The following CAPN3 variants were observed in gnomAD, a reference collection of about 807,000 sequenced individuals.
CAPN3 encodes the protein calpain-3.
CAPN3 carries 88 observed loss-of-function variants against 114.0 expected under a neutral mutation model. The observed-to-expected ratio is 0.77, with a 90% CI of 0.65 to 0.92. The LOEUF (loss-of-function observed/expected upper bound fraction) is 0.92. Among genes scored for constraint, CAPN3 ranks in the 40% least tolerant of loss-of-function variants. The probability of loss-of-function intolerance (pLI) is 0.00; values close to 1 mark genes in which losing one functional copy is unlikely to be tolerated. For synonymous variants in CAPN3, 386 were observed against 382.9 expected, an observed-to-expected ratio of 1.01 and a Z score of -0.09; for missense variants, 1,028 against 1,069.0, an observed-to-expected ratio of 0.96 and a Z score of 0.53.
intron 19 of CAPN3, 76 bp from the exon 20 acceptor site, chr15:42,410,352 G>A (rs1387163399): frequency 8.4e-5 from 112 of 1,327,404 alleles, no homozygotes; most frequent in Middle Eastern, 2.2e-4. Context: ...AGGACAGCCC[G>A]GAGTCTCCTA....
intron 5 of CAPN3, 98 bp downstream of exon 5, chr15:42,389,194 C>T (rs961281832): frequency 1.7e-5 from 20 of 1,175,686 alleles, no homozygotes; most frequent in Admixed American, 4.0e-5. Flanking sequence ...TGGGACAGAG[C>T]GAATGTTTTG....
At position 42,411,313 on chromosome 15, in the gene CAPN3, G is replaced by A. The variant is rs1466541501; in HGVS notation, c.2407G>A (p.Gly803Arg). The change falls in exon 23 of 24, where the codon GGA (glycine) becomes AGA (arginine). Residue 803 changes from glycine (G) to arginine (R), a missense_variant. Transcript: ENST00000397163. Reference protein sequence around the residue: ...FRAFHAFDKDGDGIIKLNVLE... With the variant: ...FRAFHAFDKDRDGIIKLNVLE... ...AGCTTTTCATGCATTTGACAAGGAT[G>A]GAGATGGTATCATCAAGCTCAACGT... 1 of 1,614,032 alleles carries A rather than the reference G, an allele frequency of 6.2e-7. No individual in the cohort carries two copies. Among genetic ancestry groups the A allele is most frequent in the Non-Finnish European group, 8.5e-7 (1 of 1,180,006 alleles).
In CAPN3 at chr15:42,410,864, T is replaced by TA. The variant is rs773969467; in HGVS notation, c.2264-18dup. 1 of 1,594,100 alleles carries TA rather than the reference T, an allele frequency of 6.3e-7. No individual in the cohort carries two copies. The highest frequency in any genetic ancestry group is 1.1e-5 in the South Asian group (1 of 90,726). On this transcript the variant is annotated intron_variant, in intron 21 of 23. Transcript: ENST00000397163. ...AGGCCTCCAGCTCCACGTCCACCTC[T>TA]AACATGGTCCCCTCCACAGGATTCC...
intron 17 of CAPN3, among the ~76,000 whole-genome samples, 188 bp from the exon 18 acceptor site, chr15:42,409,599 G>T (rs1057131035): frequency 6.6e-5 from 10 of 152,152 alleles, no homozygotes; most frequent in African/African-American, 2.4e-4. Flanking sequence ...AGCTGCCCAC[G>T]GTGGTCCTGA....
chr15:42,378,084 G>C (rs1055149841), intron 1 of CAPN3, among the ~76,000 whole-genome samples: 9 of 152,314 alleles, frequency 5.9e-5, no homozygotes, highest in African/African-American at 2.2e-4. Flanking sequence ...TAGTGAAAGA[G>C]CAGCTAGGGG....
intron 1 of CAPN3, among the ~76,000 whole-genome samples, chr15:42,383,289 G>A (rs948603658): frequency 6.6e-6 from 1 of 152,110 alleles, no homozygotes; most frequent in Non-Finnish European, 1.5e-5. Flanking sequence ...AGAAGAATGG[G>A]GCTAAAACCA....
chr15:42,407,609 G>A (rs28364524), intron 15 of CAPN3, among the ~76,000 whole-genome samples: 10,464 of 152,118 alleles, frequency 0.069, 1,136 homozygotes, highest in African/African-American at 0.23. Context: ...GATTACAGGC[G>A]TGAGCCACCG....
chr15:42,360,859 C>G (rs1407604658), intron 1 of CAPN3, among the ~76,000 whole-genome samples: 1 of 152,234 alleles, frequency 6.6e-6, no homozygotes, highest in Admixed American at 6.5e-5. Context: ...GCTCACCTCT[C>G]TGATCATCCC....
At chr15:42,376,153 T>C (rs1366921063) in intron 1 of CAPN3, among the ~76,000 whole-genome samples, 1 of 152,202 alleles carries the variant, frequency 6.6e-6, no homozygotes, top group East Asian at 1.9e-4. Flanking sequence ...TGCCTTCTCA[T>C]TGTGGTGTTG....
Position 42,410,931 on chromosome 15 carries a change from G to T in CAPN3, c.2311G>T (p.Ala771Ser). 1 of 1,614,146 alleles carries T rather than the reference G, an allele frequency of 6.2e-7. No individual in the cohort carries two copies. The highest frequency in any genetic ancestry group is 8.5e-7 in the Non-Finnish European group (1 of 1,179,982). The stretch of plus-strand genomic sequence containing the variant: ...CTATGACATCATTACCATGCGGTAC[G>T]CAGACAAACACATGAACATCGACTT... ...QLYDIITMRY[A>S]DKHMNIDFDS... Residue 771 changes from alanine to serine, a missense_variant, in exon 22 of 24, where the codon GCA becomes TCA. By Grantham distance (99) the Ala-to-Ser change is moderately conservative. Transcript: ENST00000397163.
chr15:42,396,999 T>C (rs2053712849), intron 9 of CAPN3, 122 bp downstream of exon 9: 2 of 765,088 alleles, frequency 2.6e-6, no homozygotes, highest in Non-Finnish European at 4.6e-6. Flanking sequence ...GGCTGTGTTC[T>C]CCTCCAGCCC....
At chr15:42,374,986 A>AATTTATTT (rs71431847) in intron 1 of CAPN3, among the ~76,000 whole-genome samples, 1,486 of 134,014 alleles carry the variant, frequency 0.011, 20 homozygotes, top group Non-Finnish European at 0.015. Context: ...TTTAAATAAA[A>AATTTATTT]ATTTATTTAT....
intron 1 of CAPN3, among the ~76,000 whole-genome samples, chr15:42,375,368 A>G (rs1249135894): frequency 1.3e-5 from 2 of 151,986 alleles, no homozygotes. Context: ...GAGCAGCCAG[A>G]CTCCTTACGG....
chr15:42,377,129 T>A (rs2053110347), intron 1 of CAPN3, among the ~76,000 whole-genome samples: 1 of 152,188 alleles, frequency 6.6e-6, no homozygotes. Flanking sequence ...AGATAGTTTT[T>A]TTTTTGTTTC....
Position 42,401,706 on chromosome 15 carries a change from T to C in CAPN3, c.1420T>C (p.Ser474Pro). Residue 474 changes from serine (S) to proline (P), a missense_variant, in exon 11 of 24, where the codon TCG becomes CCG. Transcript: ENST00000397163. ...LLEEDDDPDD[S>P]EVICSFLVAL... is the part of the protein sequence containing the mutation. The stretch of plus-strand genomic sequence containing the variant: ...GGAGGAGGACGATGACCCTGATGAC[T>C]CGGAGGTGATTTGCAGCTTCCTGGT... 1.9e-6 allele frequency: 3 copies of C among 1,614,118 alleles called. No homozygotes were observed. Among genetic ancestry groups the C allele is most frequent in the South Asian group, 1.1e-5 (1 of 91,082 alleles).
chr15:42,366,060 A>G lies in CAPN3; in HGVS notation c.309+5946A>G, dbSNP rs575318700. Among the ~76,000 whole-genome samples, 152 of 152,358 alleles carry G rather than the reference A, an allele frequency of 1.0e-3. 6 individuals carry two copies. The South Asian group carries it at 0.031, about 31-fold the overall frequency. On this transcript the variant is annotated intron_variant, in intron 1 of 23. Coordinates refer to ENST00000397163, the MANE Select transcript of CAPN3 (RefSeq NM_000070.3). ...TGATCTTATCAGAGGGTGTCCATGG[A>G]AGGTCATGACCATCACCCAGCTGAG...
intron 18 of CAPN3, 39 bp downstream of exon 18, chr15:42,409,883 G>GCCCC: frequency 5.4e-6 from 3 of 559,608 alleles, no homozygotes; most frequent in Non-Finnish European, 1.1e-5. Context: ...GGTGGGTGGG[G>GCCCC]AGTCCCGTTG....
At chr15:42,384,394 G>C (rs1302394602) in intron 1 of CAPN3, 89 bp from the exon 2 acceptor site, 8 of 954,082 alleles carry the variant, frequency 8.4e-6, no homozygotes, top group Non-Finnish European at 1.4e-5. Flanking sequence ...CCTGGCGACA[G>C]AGTGAGACTC....
chr15:42,402,430 C>T (rs1230460828), intron 12 of CAPN3: 48 of 1,433,910 alleles, frequency 3.3e-5, no homozygotes, highest in Admixed American at 5.6e-5. Flanking sequence ...GTCACACAGA[C>T]GCGTTCTGAG....
Sources: allele counts gnomAD v4.1 joint callset (sites outside exome capture counted in the v4.1 genomes callset), GRCh38; gene constraint gnomAD v4.1.1; transcripts MANE v1.5; gene names NCBI Gene and HGNC (gene_info 2026-07-23, HGNC 2026-07-21).